Variants in ALB observed in about 807,000 individuals in gnomAD.
The protein encoded by ALB is serum albumin.
Under a neutral mutation model 74.5 loss-of-function variants are expected in ALB, and 37 were observed. The ratio of observed to expected loss-of-function variants is 0.50; its 90% confidence interval spans 0.38 to 0.65. The LOEUF is 0.65. Among genes scored for constraint, ALB ranks in the 30% least tolerant of loss-of-function variants. The probability of loss-of-function intolerance (pLI) is 0.00; values close to 1 mark genes in which losing one functional copy is unlikely to be tolerated. For missense variants in ALB, 685 were observed against 718.7 expected (o/e 0.95, Z 0.54); for synonymous variants, 249 against 251.6 (o/e 0.99, Z 0.10).
At chr4:73,412,190 G>A in intron 7 of ALB, 65 bp downstream of exon 7, 2 of 1,591,598 alleles carry the variant, frequency 1.3e-6, no homozygotes, top group Non-Finnish European at 1.7e-6. Context: ...GGATGCGTTT[G>A]GTATCATTGG....
chr4:73,412,079 A>G lies in ALB; in HGVS notation c.797A>G (p.His266Arg). 1 of 1,614,150 alleles carries G rather than the reference A, an allele frequency of 6.2e-7. No individual in the cohort carries two copies. The highest frequency in any genetic ancestry group is 1.1e-5 in the South Asian group (1 of 91,086). ...TTAGTGACAGATCTTACCAAAGTCC[A>G]CACGGAATGCTGCCATGGAGATCTG... ...SKLVTDLTKV[H>R]TECCHGDLLE... is the part of the protein sequence containing the mutation. The change falls in exon 7 of 15, where the codon CAC becomes CGC. Residue 266 changes from histidine (H) to arginine (R), a missense_variant. Coordinates refer to ENST00000295897, the MANE Select transcript of ALB (RefSeq NM_000477.7).
At chr4:73,408,566 C>T in intron 3 of ALB, 28 bp from the exon 4 acceptor site, 2 of 1,596,944 alleles carry the variant, frequency 1.3e-6, no homozygotes, top group Non-Finnish European at 1.7e-6. Context: ...TACTGTCCAG[C>T]AACTGAAACC....
intron 14 of ALB, chr4:73,420,881 C>T: frequency 2.2e-6 from 1 of 453,038 alleles, no homozygotes. Context: ...TTTAATAGGA[C>T]TTATCTTCTT....
intron 10 of ALB, 125 bp from the exon 11 acceptor site, chr4:73,417,406 T>C: frequency 8.0e-7 from 1 of 1,244,724 alleles, no homozygotes; most frequent in Non-Finnish European, 1.2e-6. Context: ...ACTCTGCAGA[T>C]GGAGATAATA....
intron 13 of ALB, among the ~76,000 whole-genome samples, chr4:73,420,020 A>G (rs970938327): frequency 6.6e-6 from 1 of 152,208 alleles, no homozygotes; most frequent in Non-Finnish European, 1.5e-5. Context: ...TTACATTCAA[A>G]TGTCTAAATC....
At chr4:73,421,032 G>C (rs1719128068) in intron 14 of ALB, 60 bp from the exon 15 acceptor site, 3 of 659,110 alleles carry the variant, frequency 4.6e-6, no homozygotes, top group Non-Finnish European at 5.4e-6. Context: ...TATTTTAATA[G>C]GTTTGAAAAA....
chr4:73,417,488 C>T, intron 10 of ALB, 43 bp from the exon 11 acceptor site: 3 of 1,611,192 alleles, frequency 1.9e-6, no homozygotes, highest in Non-Finnish European at 2.5e-6. Flanking sequence ...CTATGTTAGA[C>T]AGTTTCTTGC....
Position 73,421,261 on chromosome 4 carries a change from G to A in ALB, c.*193G>A, listed in dbSNP as rs1404264400. On this transcript the variant is annotated 3_prime_UTR_variant, in exon 15 of 15. Transcript: ENST00000295897. ...TAAAAAATGGAAAGAATCTAATAGAGTGGTACAGCACTGTTATTTTTCAAA... is the reference window on the plus strand; with the variant it reads ...TAAAAAATGGAAAGAATCTAATAGAATGGTACAGCACTGTTATTTTTCAAA... 1.7e-6 allele frequency: 1 copy of A among 584,946 alleles called. No individual in the cohort carries two copies. The highest frequency in any genetic ancestry group is 3.0e-6 in the Non-Finnish European group (1 of 331,688). The allele number at this position is 584,946 out of a possible 1,614,324, so 36.2% of individuals were successfully genotyped here. A position where few individuals can be genotyped will look rare whatever the true frequency, so the allele number is the denominator to read the frequency against.
Position 73,409,479 on chromosome 4 carries a change from T to C in ALB, c.607T>C (p.Leu203=), listed in dbSNP as rs1209423060. 1 of 1,613,992 alleles carries C rather than the reference T, an allele frequency of 6.2e-7. No individual in the cohort carries two copies. Among genetic ancestry groups the C allele is most frequent in the East Asian group, 2.2e-5 (1 of 44,868 alleles). ...CQAADKAACL[L]PKLDELRDEG... ...AGCTGCTGATAAAGCTGCCTGCCTGTTGCCAAAGGTATTATGCAAAAGAAT... is the reference window on the plus strand; with the variant it reads ...AGCTGCTGATAAAGCTGCCTGCCTGCTGCCAAAGGTATTATGCAAAAGAAT... Residue 203 remains leucine (L), a synonymous_variant, in exon 5 of 15, where the codon TTG becomes CTG. Transcript: ENST00000295897.
At chr4:73,414,013 GTCTA>G (rs1429842880) in intron 8 of ALB, among the ~76,000 whole-genome samples, 1 of 152,010 alleles carries the variant, frequency 6.6e-6, no homozygotes, top group Non-Finnish European at 1.5e-5. Flanking sequence ...ATCTAATCTA[GTCTA>G]TCTATCTAAT....
rs1718709808 is a variant in ALB, at chr4:73,405,802, A to G, written c.137+629A>G. On this transcript the variant is annotated intron_variant, in intron 2 of 14. Transcript: ENST00000295897. ...AGATGGGGTTTCACCGTGTGCCAGGATGGTCTCAATCTCCTGACATCGTGA... is the reference window on the plus strand; with the variant it reads ...AGATGGGGTTTCACCGTGTGCCAGGGTGGTCTCAATCTCCTGACATCGTGA... Among the ~76,000 whole-genome samples the G allele has an allele frequency of 2.6e-5, 4 of 151,996 alleles. No individual in the cohort carries two copies. In the South Asian group the frequency reaches 8.3e-4, roughly 32 times the overall value.
At chr4:73,419,000 C>G (rs1445776009) in intron 12 of ALB, among the ~76,000 whole-genome samples, 1 of 152,062 alleles carries the variant, frequency 6.6e-6, no homozygotes, top group Non-Finnish European at 1.5e-5. Context: ...TTTCTATAGC[C>G]TCCCCACTAT....
chr4:73,413,777 A>G (rs966935061), intron 8 of ALB, 143 bp downstream of exon 8: 10 of 775,974 alleles, frequency 1.3e-5, no homozygotes, highest in Non-Finnish European at 1.9e-5. Flanking sequence ...AGGCTTTAAC[A>G]ATTTTTGAAA....
At chr4:73,408,522 C>T (rs958926458) in intron 3 of ALB, 72 bp from the exon 4 acceptor site, 4 of 1,338,692 alleles carry the variant, frequency 3.0e-6, no homozygotes, top group African/African-American at 1.5e-5. Flanking sequence ...ATATTAAATC[C>T]TTTGTACTGT....
Position 73,416,348 on chromosome 4 carries a change from G to T in ALB, c.1284G>T (p.Gln428His). 1 of 1,611,456 alleles carries T rather than the reference G, an allele frequency of 6.2e-7. No homozygotes were observed. The highest frequency in any genetic ancestry group is 8.5e-7 in the Non-Finnish European group (1 of 1,178,296). ...LFEQLGEYKFQNALLVRYTKK... is the reference protein window; with the variant it reads ...LFEQLGEYKFHNALLVRYTKK... ...AGCAGCTTGGAGAGTACAAATTCCA[G>T]AATGCGTAAGTAATTTTTATTGACT... Residue 428 changes from glutamine (Q) to histidine (H), a missense_variant, in exon 10 of 15, where the codon CAG becomes CAT. By Grantham distance (24) the Gln-to-His change is conservative. Coordinates refer to ENST00000295897, the MANE Select transcript of ALB (RefSeq NM_000477.7).
rs1577936511 is a variant in ALB, at chr4:73,409,394, T to C, written c.522T>C (p.Tyr174=). The C allele has an allele frequency of 6.2e-7, 1 of 1,614,016 alleles. No individual in the cohort carries two copies. The highest frequency in any genetic ancestry group is 8.5e-7 in the Non-Finnish European group (1 of 1,179,874). ...TTGCCAGAAGACATCCTTACTTTTA[T>C]GCCCCGGAACTCCTTTTCTTTGCTA... ...YEIARRHPYF[Y]APELLFFAKR... The change falls in exon 5 of 15, where the codon TAT becomes TAC. Residue 174 remains tyrosine, a synonymous_variant. Coordinates refer to ENST00000295897, the MANE Select transcript of ALB (RefSeq NM_000477.7).
chr4:73,418,959 C>G (rs962601753), intron 12 of ALB, among the ~76,000 whole-genome samples: 3 of 152,136 alleles, frequency 2.0e-5, no homozygotes, highest in African/African-American at 7.2e-5. Context: ...GAAAGAGAAC[C>G]AGCAGCTCCC....
chr4:73,412,130 A>G lies in ALB; in HGVS notation c.843+5A>G. On this transcript the variant is annotated splice_donor_5th_base_variant and intron_variant, in intron 7 of 14. Coordinates refer to ENST00000295897, the MANE Select transcript of ALB (RefSeq NM_000477.7). ...CTTGAATGTGCTGATGACAGGGTAA[A>G]GAGTCGTCGATATGCTTTTTGGTAG... 1 of 1,613,980 alleles carries G rather than the reference A, an allele frequency of 6.2e-7. No individual in the cohort carries two copies. The highest frequency in any genetic ancestry group is 1.1e-5 in the South Asian group (1 of 91,078).
intron 9 of ALB, 62 bp from the exon 10 acceptor site, chr4:73,416,193 GA>G: frequency 7.2e-7 from 1 of 1,387,196 alleles, no homozygotes. Flanking sequence ...CCAGAGGGGT[GA>G]AAAACAACCT....
Sources: gnomAD v4.1 joint callset for allele counts (sites outside exome capture counted in the v4.1 genomes callset) on GRCh38, gnomAD v4.1.1 for gene constraint, MANE v1.5 for transcripts, NCBI Gene and HGNC (gene_info 2026-07-23, HGNC 2026-07-21) for gene names.